The following ZGRF1 variants were observed in gnomAD, a reference collection of about 807,000 sequenced individuals.
The protein encoded by ZGRF1 is zinc finger GRF-type containing 1, also known as 5'-3' DNA helicase ZGRF1.
In ZGRF1, 196 loss-of-function variants were observed where a neutral mutation model predicts 203.5. The observed-to-expected ratio is 0.96, with a 90% CI of 0.86 to 1.08. The LOEUF is 1.08. ZGRF1 is among the 50% of genes least tolerant of loss of function. ZGRF1 has a pLI of 0.00. For synonymous variants in ZGRF1, 809 were observed against 841.3 expected (o/e 0.96, Z 0.66); for missense variants, 2,326 against 2,416.3 (o/e 0.96, Z 0.78).
chr4:112,574,760 G>A (rs2148958372), intron 16 of ZGRF1, among the ~76,000 whole-genome samples: 1 of 152,264 alleles, frequency 6.6e-6, no homozygotes, highest in Non-Finnish European at 1.5e-5. Context: ...GGCCGGGCAT[G>A]GTGGCTCATG....
Position 112,618,097 on chromosome 4 carries a change from TGAAA to T in ZGRF1, c.1941_1944del (p.Phe648SerfsTer37). On this transcript the variant is annotated frameshift_variant, in exon 6 of 28. Transcript: ENST00000505019. LOFTEE classifies it high-confidence loss of function. ...TCTCCGTATACAGCATCAGTCCACT[TGAAA>T]GATTCAAAATTGCTTAATGTGTCAC... 1 of 1,613,946 alleles carries T rather than the reference TGAAA, an allele frequency of 6.2e-7. No individual in the cohort carries two copies. Among genetic ancestry groups the T allele is most frequent in the South Asian group, 1.1e-5 (1 of 91,074 alleles).
Position 112,617,865 on chromosome 4 carries a change from T to C in ZGRF1, c.2177A>G (p.His726Arg), listed in dbSNP as rs199629720. The C allele has an allele frequency of 2.1e-5, 34 of 1,613,910 alleles. No homozygotes were observed. Among genetic ancestry groups the C allele is most frequent in the Non-Finnish European group, 2.7e-5 (32 of 1,179,962 alleles). Residue 726 changes from histidine to arginine, a missense_variant, in exon 6 of 28, where the codon CAT (histidine) becomes CGT (arginine). By Grantham distance (29) the His-to-Arg change is conservative. Coordinates refer to ENST00000505019, the MANE Select transcript of ZGRF1 (RefSeq NM_018392.5). ...LGSDLDKNDE[H>R]VLPSTSSSDN... ...ACTACTAGAAGTTGAGGGTAAAACA[T>C]GTTCATCATTTTTGTCTAAGTCACT...
At position 112,618,111 on chromosome 4, in the gene ZGRF1, T is replaced by A. The variant is rs892843816; in HGVS notation, c.1931A>T (p.Asn644Ile). ...ATCAGTCCACTTGAAAGATTCAAAA[T>A]TGCTTAATGTGTCACTATACTCCTC... is the stretch of plus-strand genomic sequence containing the variant. Reference protein sequence around the residue: ...EIEEYSDTLSNFESFKWTDAV... With the variant: ...EIEEYSDTLSIFESFKWTDAV... Residue 644 changes from asparagine (N) to isoleucine (I), a missense_variant, in exon 6 of 28, where the codon AAT (asparagine) becomes ATT (isoleucine). Asn to Ile is a moderately radical substitution (Grantham distance 149, BLOSUM62 -3). Transcript: ENST00000505019. 2.5e-6 allele frequency: 4 copies of A among 1,613,974 alleles called. No individual in the cohort carries two copies. Among genetic ancestry groups the A allele is most frequent in the Non-Finnish European group, 3.4e-6 (4 of 1,179,916 alleles).
Position 112,620,047 on chromosome 4 carries a change from G to T in ZGRF1, c.306C>A (p.Gly102=), listed in dbSNP as rs761752630. The change falls in exon 5 of 28, where the codon GGC becomes GGA. Residue 102 remains glycine (G), a synonymous_variant. Transcript: ENST00000505019. ...ELNSRTFISS[G]RSLGCQPSGL... Reference sequence around the variant, plus strand: ...CAGAGGGCTGACATCCAAGAGATCGGCCAGAGGATATAAATGTCCTTGAAT... The same window carrying T: ...CAGAGGGCTGACATCCAAGAGATCGTCCAGAGGATATAAATGTCCTTGAAT... 1.2e-6 allele frequency: 2 copies of T among 1,611,076 alleles called. No individual in the cohort carries two copies. The highest frequency in any genetic ancestry group is 1.7e-6 in the Non-Finnish European group (2 of 1,178,660).
At chr4:112,600,341 A>G (rs545568393) in intron 10 of ZGRF1, among the ~76,000 whole-genome samples, 3 of 152,054 alleles carry the variant, frequency 2.0e-5, no homozygotes, top group Non-Finnish European at 4.4e-5. Flanking sequence ...CCAGAGAAAG[A>G]TTTCTTAAGA....
intron 11 of ZGRF1, among the ~76,000 whole-genome samples, chr4:112,588,760 A>G (rs1560815809): frequency 1.3e-5 from 2 of 152,184 alleles, no homozygotes; most frequent in Non-Finnish European, 2.9e-5. Context: ...CTTGTTGGAA[A>G]TATACTCTGG....
intron 3 of ZGRF1, among the ~76,000 whole-genome samples, chr4:112,625,475 T>C (rs1308863687): frequency 1.3e-5 from 2 of 150,126 alleles, no homozygotes; most frequent in Non-Finnish European, 3.0e-5. Context: ...GTCCCAGCTA[T>C]TCGGGAGGCT....
chr4:112,547,343 G>C lies in ZGRF1; in HGVS notation c.5540C>G (p.Ser1847Cys). 6.2e-7 allele frequency: 1 copy of C among 1,613,608 alleles called. No individual in the cohort carries two copies. The highest frequency in any genetic ancestry group is 1.7e-4 in the Middle Eastern group (1 of 6,060). ...CAATCCATTTTCATGAGCTGCATCAGAACCCTGAATAGTAGGAGGTAGCTG... is the reference window on the plus strand; with the variant it reads ...CAATCCATTTTCATGAGCTGCATCACAACCCTGAATAGTAGGAGGTAGCTG... ...PKQLPPTIQG[S>C]DAAHENGLEQ... Residue 1847 changes from serine to cysteine, a missense_variant, in exon 24 of 28, where the codon TCT becomes TGT. Coordinates refer to ENST00000505019, the MANE Select transcript of ZGRF1 (RefSeq NM_018392.5).
intron 1 of ZGRF1, 50 bp from the exon 2 acceptor site, chr4:112,633,292 C>G (rs893796906): frequency 2.4e-6 from 2 of 843,322 alleles, no homozygotes; most frequent in Non-Finnish European, 3.8e-6. Context: ...TAAAAAATAT[C>G]AAATATAATT....
At chr4:112,585,049 C>T (rs1198579413) in intron 14 of ZGRF1, among the ~76,000 whole-genome samples, 1 of 152,180 alleles carries the variant, frequency 6.6e-6, no homozygotes, top group Non-Finnish European at 1.5e-5. Context: ...AACATATCCC[C>T]CTTCTCAGTG....
At position 112,589,862 on chromosome 4, in the gene ZGRF1, C is replaced by A; in HGVS notation, c.2989G>T (p.Glu997Ter). 6.3e-7 allele frequency: 1 copy of A among 1,599,410 alleles called. No individual in the cohort carries two copies. Among genetic ancestry groups the A allele is most frequent in the Non-Finnish European group, 8.5e-7 (1 of 1,174,844 alleles). The change falls in exon 11 of 28, where the codon GAA (glutamate) becomes TAA (stop). Residue 997 changes from glutamate (E) to a stop codon, truncating the protein, a stop_gained. Transcript: ENST00000505019. LOFTEE classifies it high-confidence loss of function. ...QIDFLQVTSP[E>*]ENISTLSPVS... Reference sequence around the variant, plus strand: ...GGGCTCAATGTAGAGATGTTTTCTTCTGGTGATGTCACCTATACAGAAAGA... The same window carrying A: ...GGGCTCAATGTAGAGATGTTTTCTTATGGTGATGTCACCTATACAGAAAGA...
intron 8 of ZGRF1, among the ~76,000 whole-genome samples, chr4:112,606,840 G>T (rs896815029): frequency 2.6e-5 from 4 of 152,072 alleles, no homozygotes; most frequent in African/African-American, 9.7e-5. Flanking sequence ...CACAAAACAC[G>T]ATACTGACAA....
At chr4:112,615,845 G>A (rs1350664764) in intron 6 of ZGRF1, among the ~76,000 whole-genome samples, 1 of 150,934 alleles carries the variant, frequency 6.6e-6, no homozygotes, top group African/African-American at 2.4e-5. Flanking sequence ...ATGTTGGCCA[G>A]ACTGGTCTCG....
intron 19 of ZGRF1, 80 bp from the exon 20 acceptor site, chr4:112,558,389 A>T: frequency 3.4e-6 from 4 of 1,193,698 alleles, no homozygotes; most frequent in South Asian, 4.1e-5. Context: ...CTTGAGACAG[A>T]GTCTCACTCA....
At chr4:112,562,186 G>T in intron 18 of ZGRF1, 185 bp downstream of exon 18, 1 of 472,580 alleles carries the variant, frequency 2.1e-6, no homozygotes, top group South Asian at 2.2e-5. Flanking sequence ...TGGGATTACA[G>T]GCATGAGCCA....
chr4:112,589,707 A>C lies in ZGRF1; in HGVS notation c.3127+17T>G. On this transcript the variant is annotated intron_variant, in intron 11 of 27. Transcript: ENST00000505019. The stretch of plus-strand genomic sequence containing the variant: ...TAAATGAATAGACAGATATTAGAGC[A>C]ATGTGGTAACGACTACCCTCCAAGT... 1 of 1,609,422 alleles carries C rather than the reference A, an allele frequency of 6.2e-7. No homozygotes were observed. The highest frequency in any genetic ancestry group is 2.2e-5 in the East Asian group (1 of 44,830).
chr4:112,581,557 T>G (rs1472986413), intron 16 of ZGRF1, 106 bp downstream of exon 16: 30 of 564,842 alleles, frequency 5.3e-5, no homozygotes, highest in Non-Finnish European at 2.6e-6. Flanking sequence ...TAAATTATAC[T>G]TTTAAAATTT....
intron 24 of ZGRF1, among the ~76,000 whole-genome samples, chr4:112,545,642 C>A (rs992181066): frequency 1.3e-5 from 2 of 152,114 alleles, no homozygotes; most frequent in Admixed American, 6.6e-5. Flanking sequence ...ATGTATTGAA[C>A]TGAAAGCAGG....
At chr4:112,550,102 G>C (rs1437585640) in intron 22 of ZGRF1, among the ~76,000 whole-genome samples, 3 of 152,082 alleles carry the variant, frequency 2.0e-5, no homozygotes, top group Admixed American at 6.5e-5. Context: ...TGAGGCAGGA[G>C]AATGGCGTGA....
Sources: gnomAD v4.1 joint callset for allele counts (sites outside exome capture counted in the v4.1 genomes callset) on GRCh38, gnomAD v4.1.1 for gene constraint, MANE v1.5 for transcripts, NCBI Gene and HGNC (gene_info 2026-07-23, HGNC 2026-07-21) for gene names.